The following CFAP92 variants were observed in gnomAD, a reference collection of about 807,000 sequenced individuals.
CFAP92 encodes the protein cilia and flagella associated protein 92 (putative).
In CFAP92, 86 loss-of-function variants were observed where a neutral mutation model predicts 106.3. The ratio of observed to expected loss-of-function variants is 0.81; its 90% confidence interval spans 0.68 to 0.97. The LOEUF (loss-of-function observed/expected upper bound fraction) is 0.97. CFAP92 is among the 50% of genes least tolerant of loss of function. CFAP92 has a pLI of 0.00. For missense variants in CFAP92, 1,204 were observed against 1,283.8 expected (o/e 0.94, Z 0.95); for synonymous variants, 477 against 506.4 (o/e 0.94, Z 0.78).
chr3:128,931,857 T>TAA (rs540031655), intron 12 of CFAP92, among the ~76,000 whole-genome samples: 1 of 149,104 alleles, frequency 6.7e-6, no homozygotes, highest in African/African-American at 2.5e-5. Context: ...ACCCAATCTC[T>TAA]AAAAAAAAAG....
chr3:128,937,561 A>G lies in CFAP92; in HGVS notation c.2259-2242T>C, dbSNP rs969539047. The stretch of plus-strand genomic sequence containing the variant: ...CTTGCGGTGGGTGAGCTGAGATCGC[A>G]CCACAGCACTCCAGCTTGGGCGACA... On this transcript the variant is annotated intron_variant, in intron 10 of 15. Transcript: ENST00000645291. Among the ~76,000 whole-genome samples, 5 of 151,830 alleles carry G rather than the reference A, an allele frequency of 3.3e-5. No individual in the cohort carries two copies. In the South Asian group the frequency reaches 8.4e-4, roughly 25 times the overall value.
chr3:128,944,402 A>G (rs1939996111), intron 10 of CFAP92, among the ~76,000 whole-genome samples: 1 of 152,092 alleles, frequency 6.6e-6, no homozygotes, highest in Non-Finnish European at 1.5e-5. Flanking sequence ...CAGAGGTGCA[A>G]TCCCCTTCTG....
Position 128,999,762 on chromosome 3 carries a change from C to T in CFAP92, n.117+2812G>A, listed in dbSNP as rs181282537. 2.0e-4 allele frequency among the ~76,000 whole-genome samples: 31 copies of T among 152,018 alleles called. No individual in the cohort carries two copies. The East Asian group carries it at 4.8e-3, about 24-fold the overall frequency. On this transcript the variant is annotated intron_variant and non_coding_transcript_variant, in intron 1 of 4. Transcript: ENST00000510149. ...TTCACTATGTTGTCCAGGCTGTTCT[C>T]GAACTCTTGACCTCAGGCAATCCAC...
At position 128,971,440 on chromosome 3, in the gene CFAP92, A is replaced by T; in HGVS notation, c.1022-7T>A. The T allele has an allele frequency of 6.3e-7, 1 of 1,591,590 alleles. No individual in the cohort carries two copies. The highest frequency in any genetic ancestry group is 8.6e-7 in the Non-Finnish European group (1 of 1,168,486). On this transcript the variant is annotated splice_region_variant and splice_polypyrimidine_tract_variant and intron_variant, in intron 7 of 15. Coordinates refer to ENST00000645291, the MANE Select transcript of CFAP92 (RefSeq NM_001394090.1). ...TCTGAATCTTTCCCTTTAACTGTGAAATCAAACAAAGGAGATGAGCATTAA... is the reference window on the plus strand; with the variant it reads ...TCTGAATCTTTCCCTTTAACTGTGATATCAAACAAAGGAGATGAGCATTAA...
intron 4 of CFAP92, chr3:128,978,449 C>A: frequency 3.6e-6 from 1 of 277,358 alleles, no homozygotes; most frequent in South Asian, 5.7e-5. Flanking sequence ...TTATTGGGGC[C>A]AGATACGGTG....
intron 3 of CFAP92, 120 bp downstream of exon 3, chr3:128,988,608 C>A: frequency 9.7e-7 from 1 of 1,026,834 alleles, no homozygotes; most frequent in Non-Finnish European, 1.4e-6. Context: ...GAGGTGGGGC[C>A]CGGGATCCTC....
intron 12 of CFAP92, among the ~76,000 whole-genome samples, chr3:128,925,519 A>T (rs1211865020): frequency 1.3e-5 from 2 of 152,226 alleles, no homozygotes; most frequent in Non-Finnish European, 2.9e-5. Flanking sequence ...AAGGAGAAAA[A>T]AAGACTGTAA....
chr3:128,927,723 C>CAA (rs569749049), intron 12 of CFAP92, among the ~76,000 whole-genome samples: 5,236 of 107,660 alleles, frequency 0.049, 277 homozygotes, highest in African/African-American at 0.13. Flanking sequence ...GACTCTGTCT[C>CAA]AAAAAAAAAA....
rs1220874693 is a variant in CFAP92, at chr3:128,965,575, AG to A, written c.1288del (p.Leu430Ter). 2.5e-6 allele frequency: 1 copy of A among 398,936 alleles called. No homozygotes were observed. The highest frequency in any genetic ancestry group is 4.4e-6 in the Non-Finnish European group (1 of 226,078). 24.7% of individuals were successfully genotyped at this position (398,936 alleles called of 1,614,324 possible). A position where few individuals can be genotyped will look rare whatever the true frequency, so the allele number is the denominator to read the frequency against. On this transcript the variant is annotated frameshift_variant, in exon 9 of 16. Transcript: ENST00000645291. LOFTEE classifies it high-confidence loss of function. Reference sequence around the variant, plus strand: ...GGAAGCACACTTGATCTTTATGGTCAGGGGATTTAAATCCTGCTTTTGCTCC... The same window carrying A: ...GGAAGCACACTTGATCTTTATGGTCAGGGATTTAAATCCTGCTTTTGCTCC... Reference protein sequence around the residue: ...TEEQKQDLNPLTIKIKCASCL... With the variant: ...TEEQKQDLNPXTIKIKCASCL...
intron 10 of CFAP92, among the ~76,000 whole-genome samples, chr3:128,944,599 C>T (rs1465084626): frequency 6.6e-6 from 1 of 152,208 alleles, no homozygotes; most frequent in Non-Finnish European, 1.5e-5. Flanking sequence ...AATGGAGGAA[C>T]TGCAAAGGGC....
At chr3:128,988,673 C>G in intron 3 of CFAP92, 55 bp downstream of exon 3, 1 of 1,566,872 alleles carries the variant, frequency 6.4e-7, no homozygotes, top group Non-Finnish European at 8.7e-7. Flanking sequence ...GAGCAGCACA[C>G]TTTTCGTGAT....
intron 10 of CFAP92, among the ~76,000 whole-genome samples, chr3:128,943,617 C>A (rs1249507936): frequency 1.3e-5 from 2 of 152,004 alleles, no homozygotes; most frequent in African/African-American, 4.8e-5. Context: ...CTCACCGCAA[C>A]CTCCCTCTCC....
At chr3:128,910,402 C>A in intron 15 of CFAP92, 69 bp from the exon 16 acceptor site, 1 of 1,399,424 alleles carries the variant, frequency 7.1e-7, no homozygotes, top group Non-Finnish European at 9.4e-7. Flanking sequence ...AAGGGACAGA[C>A]CCTGCACATT....
At chr3:128,983,009 A>T (rs902931871) in intron 4 of CFAP92, among the ~76,000 whole-genome samples, 2 of 152,240 alleles carry the variant, frequency 1.3e-5, no homozygotes, top group Non-Finnish European at 2.9e-5. Flanking sequence ...ACACAAAGTG[A>T]GCACACGAGG....
At chr3:128,945,996 A>C in intron 9 of CFAP92, 21 bp from the exon 10 acceptor site, 1 of 1,411,322 alleles carries the variant, frequency 7.1e-7, no homozygotes, top group Non-Finnish European at 9.2e-7. Context: ...GCAGGGCCAC[A>C]GCAGGTCACC....
chr3:128,925,216 C>T (rs1389666831), intron 12 of CFAP92, among the ~76,000 whole-genome samples: 1 of 152,222 alleles, frequency 6.6e-6, no homozygotes, highest in East Asian at 1.9e-4. Flanking sequence ...GGGGATGAAA[C>T]TGTTCCACCT....
At chr3:129,024,363 C>A in the CFAP92 span, among the ~76,000 whole-genome samples, 1 of 151,928 alleles carries the variant, frequency 6.6e-6, no homozygotes, top group Non-Finnish European at 1.5e-5. Flanking sequence ...AAAACCCTTT[C>A]TCTACTAAAA....
At chr3:128,927,282 T>C (rs368225292) in intron 12 of CFAP92, among the ~76,000 whole-genome samples, 9 of 150,982 alleles carry the variant, frequency 6.0e-5, no homozygotes, top group East Asian at 3.9e-4. Flanking sequence ...AATTTTCTGT[T>C]GTTTGAGCCT....
rs181058209 is a variant in CFAP92, at chr3:128,992,545, A to G, written c.262+498T>C. 7.8e-3 allele frequency among the ~76,000 whole-genome samples: 1,185 copies of G among 152,136 alleles called. 9 individuals carry two copies. Among genetic ancestry groups the G allele is most frequent in the Non-Finnish European group, 0.013 (882 of 67,980 alleles). On this transcript the variant is annotated intron_variant, in intron 2 of 15. Transcript: ENST00000645291. ...CCACTGCACTCCAGCCTGGTGACAG[A>G]GCAAGACTCCATCTCAATAAAAAAA...
Sources: allele counts gnomAD v4.1 joint callset (sites outside exome capture counted in the v4.1 genomes callset), GRCh38; gene constraint gnomAD v4.1.1; transcripts MANE v1.5; gene names NCBI Gene and HGNC (gene_info 2026-07-23, HGNC 2026-07-21).